The following MAPRE2 variants were observed in gnomAD, a reference collection of about 807,000 sequenced individuals.
MAPRE2 encodes the protein microtubule-associated protein RP/EB family member 2.
In MAPRE2, 13 loss-of-function variants were observed where a neutral mutation model predicts 43.2. The ratio of observed to expected loss-of-function variants is 0.30; its 90% CI spans 0.20 to 0.48. The LOEUF is 0.48. Among genes scored for constraint, MAPRE2 ranks in the 20% least tolerant of loss-of-function variants. The pLI, the probability that MAPRE2 is intolerant of heterozygous loss-of-function variation, is 0.99. For synonymous variants in MAPRE2, 135 were observed against 148.8 expected, an observed-to-expected ratio of 0.91 and a Z score of 0.68; for missense variants, 161 against 400.2, an observed-to-expected ratio of 0.40 and a Z score of 5.10.
Position 34,998,351 on chromosome 18 carries a change from G to A in MAPRE2, c.-69-7141G>A, listed in dbSNP as rs1275257467. Reference sequence around the variant, plus strand: ...TTTTTTTTTTTTTTTTTTTGAGATGGAGTCTCACTCTGTTGCCCAGGCTGG... The same window carrying A: ...TTTTTTTTTTTTTTTTTTTGAGATGAAGTCTCACTCTGTTGCCCAGGCTGG... On this transcript the variant is annotated intron_variant, in intron 1 of 7. Coordinates refer to the MAPRE2 transcript ENST00000413393. Among the ~76,000 whole-genome samples, 5 of 141,500 alleles carry A rather than the reference G, an allele frequency of 3.5e-5. No individual in the cohort carries two copies. In the East Asian group the frequency reaches 1.0e-3, roughly 28 times the overall value. 92.8% of individuals were successfully genotyped at this position (141,500 alleles called of 152,430 possible).
At chr18:35,111,647 AAGGGGATCTAACCTT>A in intron 4 of MAPRE2, among the ~76,000 whole-genome samples, 1 of 152,354 alleles carries the variant, frequency 6.6e-6, no homozygotes, top group South Asian at 2.1e-4. Context: ...GGGGATCTTC[AAGGGGATCTAACCTT>A]AGCCTCAGGC....
chr18:34,982,308 A>G (rs2097016837), intron 1 of MAPRE2, among the ~76,000 whole-genome samples: 1 of 152,204 alleles, frequency 6.6e-6, no homozygotes, highest in African/African-American at 2.4e-5. Flanking sequence ...TCATAGAAGC[A>G]TAAACTTCAC....
chr18:35,012,244 A>T (rs1051855341), intron 2 of MAPRE2, among the ~76,000 whole-genome samples: 2 of 152,298 alleles, frequency 1.3e-5, no homozygotes, highest in African/African-American at 4.8e-5. Context: ...AGATATCTTT[A>T]TGTATATATA....
intron 1 of MAPRE2, among the ~76,000 whole-genome samples, chr18:34,991,251 G>A (rs899221502): frequency 4.0e-5 from 6 of 151,694 alleles, no homozygotes; most frequent in South Asian, 2.1e-4. Context: ...CATTGTTCCC[G>A]TCTTTACGTC....
intron 1 of MAPRE2, among the ~76,000 whole-genome samples, chr18:34,981,057 G>T (rs915254057): frequency 6.6e-6 from 1 of 151,904 alleles, no homozygotes; most frequent in Non-Finnish European, 1.5e-5. Context: ...GAACTGGGGA[G>T]GCACTTCTGA....
At chr18:34,980,028 TTTC>T (rs1477680243) in intron 1 of MAPRE2, among the ~76,000 whole-genome samples, 99 of 22,020 alleles carry the variant, frequency 4.5e-3, no homozygotes, top group African/African-American at 0.01. Context: ...TTTTTCTTTT[TTTC>T]TTTTTTTTTT....
At chr18:35,086,569 A>G (rs1207740152) in intron 2 of MAPRE2, among the ~76,000 whole-genome samples, 1 of 151,984 alleles carries the variant, frequency 6.6e-6, no homozygotes. Flanking sequence ...ATCTATAAAA[A>G]TCTATAAAAA....
At chr18:35,090,186 A>C (rs916797940) in intron 2 of MAPRE2, among the ~76,000 whole-genome samples, 1 of 152,040 alleles carries the variant, frequency 6.6e-6, no homozygotes, top group Non-Finnish European at 1.5e-5. Flanking sequence ...TTTTTTTGGC[A>C]GTAATAAATA....
At chr18:35,068,591 T>G (rs1279723926) in intron 1 of MAPRE2, among the ~76,000 whole-genome samples, 1 of 152,200 alleles carries the variant, frequency 6.6e-6, no homozygotes, top group East Asian at 1.9e-4. Flanking sequence ...CTCATCACTT[T>G]GAAAACTGGC....
intron 1 of MAPRE2, among the ~76,000 whole-genome samples, chr18:34,993,459 A>G (rs1197463883): frequency 6.6e-6 from 1 of 152,090 alleles, no homozygotes; most frequent in Non-Finnish European, 1.5e-5. Flanking sequence ...CAAGAAGAAA[A>G]TAGACTTAAA....
chr18:35,127,343 CTT>C, intron 5 of MAPRE2: 1 of 409,548 alleles, frequency 2.4e-6, no homozygotes, highest in African/African-American at 2.0e-5. Flanking sequence ...TTCAGGCTAC[CTT>C]CCCCTCCCCT....
intron 2 of MAPRE2, among the ~76,000 whole-genome samples, chr18:35,035,764 T>TTTGCCCTAC (rs2097050231): frequency 6.7e-6 from 1 of 148,960 alleles, no homozygotes; most frequent in South Asian, 2.3e-4. Context: ...CTTCCTGTGA[T>TTTGCCCTAC]TTGCCCTACT....
chr18:34,990,125 A>C (rs543191465), intron 1 of MAPRE2, among the ~76,000 whole-genome samples: 5 of 152,214 alleles, frequency 3.3e-5, no homozygotes, highest in Non-Finnish European at 7.3e-5. Flanking sequence ...GAAGAATTGC[A>C]ATGAGAATCT....
intron 1 of MAPRE2, among the ~76,000 whole-genome samples, chr18:35,059,855 T>C (rs1362175280): frequency 6.6e-6 from 1 of 152,182 alleles, no homozygotes; most frequent in African/African-American, 2.4e-5. Flanking sequence ...CTCTGTCATT[T>C]GTTTCTTATT....
chr18:35,028,941 C>T (rs1211364070), intron 2 of MAPRE2, among the ~76,000 whole-genome samples: 1 of 152,108 alleles, frequency 6.6e-6, no homozygotes, highest in African/African-American at 2.4e-5. Flanking sequence ...ACTAAGACCT[C>T]TGGTTTTCCT....
At chr18:35,033,360 C>T (rs925292906) in intron 2 of MAPRE2, among the ~76,000 whole-genome samples, 1 of 151,412 alleles carries the variant, frequency 6.6e-6, no homozygotes, top group Non-Finnish European at 1.5e-5. Flanking sequence ...TGGGACGTAT[C>T]TCAAAATAAT....
At chr18:35,008,884 T>A (rs191524579) in intron 2 of MAPRE2, among the ~76,000 whole-genome samples, 3 of 152,318 alleles carry the variant, frequency 2.0e-5, no homozygotes, top group African/African-American at 7.2e-5. Context: ...CAGAAAGCAT[T>A]TAATTTATTC....
At chr18:34,995,959 G>A (rs1038440822) in intron 1 of MAPRE2, among the ~76,000 whole-genome samples, 31 of 152,196 alleles carry the variant, frequency 2.0e-4, no homozygotes, top group Middle Eastern at 3.4e-3. Context: ...ACGGCTAGAC[G>A]TACTGAATCA....
intron 5 of MAPRE2, 149 bp from the exon 6 acceptor site, chr18:35,131,883 C>A: frequency 1.3e-6 from 1 of 741,368 alleles, no homozygotes; most frequent in Non-Finnish European, 2.2e-6. Flanking sequence ...CTCCAGACAA[C>A]AGCCCTGTTG....
Sources: gnomAD v4.1 joint callset for allele counts (sites outside exome capture counted in the v4.1 genomes callset) on GRCh38, gnomAD v4.1.1 for gene constraint, MANE v1.5 for transcripts, NCBI Gene and HGNC (gene_info 2026-07-23, HGNC 2026-07-21) for gene names.